The following MAP4K1 variants were observed in gnomAD, a reference collection of about 807,000 sequenced individuals.
MAP4K1 encodes the protein MAPK/ERK kinase kinase kinase 1.
MAP4K1 carries 35 observed loss-of-function variants against 122.8 expected under a neutral mutation model. The ratio of observed to expected loss-of-function variants is 0.29; its 90% CI spans 0.22 to 0.38. The LOEUF (loss-of-function observed/expected upper bound fraction) is 0.38, where lower values mean the gene tolerates loss of function less well. Among genes scored for constraint, MAP4K1 ranks in the 10% least tolerant of loss-of-function variants. MAP4K1 has a pLI of 1.00. For missense variants in MAP4K1, 791 were observed against 1,072.6 expected, an observed-to-expected ratio of 0.74 and a Z score of 3.67; for synonymous variants, 412 against 421.3, an observed-to-expected ratio of 0.98 and a Z score of 0.27.
At position 38,596,459 on chromosome 19, in the gene MAP4K1, G is replaced by C. The variant is rs1974888604; in HGVS notation, c.1969C>G (p.Leu657Val). 1 of 1,578,510 alleles carries C rather than the reference G, an allele frequency of 6.3e-7. No homozygotes were observed. The highest frequency in any genetic ancestry group is 1.1e-5 in the South Asian group (1 of 87,938). The change falls in exon 26 of 31, where the codon CTG becomes GTG. Residue 657 changes from leucine to valine, a missense_variant. Leu to Val is a conservative substitution (Grantham distance 32). Transcript: ENST00000396857. ...CCGGTCAGCAGCGCGAACACGGACA[G>C]AGGCGTCGGCAGTGGGAACAGCACC... ...RQVLFPLPTP[L>V]SVFALLTGPG...
At chr19:38,596,259 C>T in intron 26 of MAP4K1, 53 bp downstream of exon 26, 4 of 1,488,400 alleles carry the variant, frequency 2.7e-6, no homozygotes, top group Admixed American at 2.3e-5. Context: ...CCTCCAGCTC[C>T]GCCCCTCCGG....
At chr19:38,589,351 A>G in intron 30 of MAP4K1, 1 of 232,436 alleles carries the variant, frequency 4.3e-6, no homozygotes. Flanking sequence ...AGTGGGTGAA[A>G]ATCTGATGAG....
chr19:38,600,254 TG>T, intron 20 of MAP4K1, 101 bp from the exon 21 acceptor site: 2 of 921,646 alleles, frequency 2.2e-6, no homozygotes, highest in Non-Finnish European at 3.5e-6. Context: ...TCCCCAGCTC[TG>T]ACCCTCTATT....
chr19:38,606,212 G>A lies in MAP4K1; in HGVS notation c.1161C>T (p.Pro387=), dbSNP rs1975325048. 1.3e-6 allele frequency: 2 copies of A among 1,549,964 alleles called. No homozygotes were observed. Among genetic ancestry groups the A allele is most frequent in the East Asian group, 2.3e-5 (1 of 43,514 alleles). The change falls in exon 17 of 31, where the codon CCC becomes CCT. Residue 387 remains proline (P), a synonymous_variant. Transcript: ENST00000396857. ...GAGGAGGTGTGTCCTCTGCAGGGGT[G>A]GGGCTGAAACACAAAGATGGGTTAA... ...SDDDYDDVDI[P]TPAEDTPPPL...
intron 20 of MAP4K1, among the ~76,000 whole-genome samples, chr19:38,600,617 T>C (rs1310470583): frequency 1.3e-5 from 2 of 152,036 alleles, no homozygotes; most frequent in Non-Finnish European, 2.9e-5. Flanking sequence ...TGTCCCTTTC[T>C]GGCTGCATCC....
rs778451251 is a variant in MAP4K1, at chr19:38,611,204, C to T, written c.728+39G>A. 3.1e-6 allele frequency: 5 copies of T among 1,605,500 alleles called. No homozygotes were observed. The South Asian group carries it at 4.4e-5, about 14-fold the overall frequency. ...CCCATCAGGCCACCCAGCCCCAGCC[C>T]TGCCCTCTCTCACCCTCCCTCCTGT... On this transcript the variant is annotated intron_variant, in intron 10 of 30. Coordinates refer to ENST00000396857, the MANE Select transcript of MAP4K1 (RefSeq NM_001042600.3).
At chr19:38,590,389 A>T (rs1974676589) in intron 30 of MAP4K1, among the ~76,000 whole-genome samples, 2 of 46,956 alleles carry the variant, frequency 4.3e-5, no homozygotes, top group Admixed American at 2.7e-4. Flanking sequence ...AAAAAAAAAA[A>T]AAAAAATATA....
intron 25 of MAP4K1, 89 bp downstream of exon 25, chr19:38,596,945 C>T (rs1329554342): frequency 1.8e-5 from 22 of 1,251,742 alleles, no homozygotes; most frequent in Non-Finnish European, 2.6e-5. Context: ...GGAGGTGGGG[C>T]TTCATGGAGC....
At chr19:38,601,622 G>C (rs992753578) in intron 19 of MAP4K1, 97 bp from the exon 20 acceptor site, 2 of 835,758 alleles carry the variant, frequency 2.4e-6, no homozygotes, top group African/African-American at 3.4e-5. Context: ...GAGTGCCAAG[G>C]TTCAAATCCT....
chr19:38,606,701 G>T (rs925463757), intron 16 of MAP4K1, among the ~76,000 whole-genome samples: 2 of 152,074 alleles, frequency 1.3e-5, no homozygotes, highest in African/African-American at 4.8e-5. Flanking sequence ...ACAAAAAAAT[G>T]ATTAGCCTGT....
intron 19 of MAP4K1, among the ~76,000 whole-genome samples, chr19:38,603,093 T>C (rs917159268): frequency 7.0e-6 from 1 of 142,864 alleles, no homozygotes; most frequent in Non-Finnish European, 1.5e-5. Context: ...CATGTACATA[T>C]ATACACATGT....
At chr19:38,602,950 A>T (rs1461479799) in intron 19 of MAP4K1, among the ~76,000 whole-genome samples, 2 of 140,914 alleles carry the variant, frequency 1.4e-5, no homozygotes, top group Admixed American at 1.5e-4. Flanking sequence ...ACATACATAT[A>T]TACACACATA....
At position 38,594,955 on chromosome 19, in the gene MAP4K1, TTTTA is replaced by T. The variant is rs1172023010; in HGVS notation, c.2340+526_2340+529del. On this transcript the variant is annotated intron_variant, in intron 29 of 30. Transcript: ENST00000396857. Reference sequence around the variant, plus strand: ...GAATCCATCTCCAAAAATAAATAAATTTTATCTATCTATCTATCTATCTATCTAT... The same window carrying T: ...GAATCCATCTCCAAAAATAAATAAATTCTATCTATCTATCTATCTATCTAT... Among the ~76,000 whole-genome samples the T allele has an allele frequency of 6.6e-5, 6 of 90,660 alleles. No homozygotes were observed. The East Asian group carries it at 2.3e-3, about 34-fold the overall frequency. The allele number at this position is 90,660 out of a possible 152,430, so 59.5% of individuals were successfully genotyped here. A position where few individuals can be genotyped will look rare whatever the true frequency, so the allele number is the denominator to read the frequency against.
intron 30 of MAP4K1, among the ~76,000 whole-genome samples, chr19:38,589,694 C>T (rs1029761120): frequency 2.0e-5 from 3 of 152,084 alleles, no homozygotes; most frequent in African/African-American, 7.2e-5. Flanking sequence ...GGATTACAGG[C>T]GTGAGCCACC....
At chr19:38,610,110 C>T in intron 11 of MAP4K1, 85 bp from the exon 12 acceptor site, 2 of 950,078 alleles carry the variant, frequency 2.1e-6, no homozygotes, top group Non-Finnish European at 3.4e-6. Flanking sequence ...GGTACAGGGC[C>T]TTGGGGACTG....
At chr19:38,600,202 T>C in intron 20 of MAP4K1, 49 bp from the exon 21 acceptor site, 1 of 1,509,686 alleles carries the variant, frequency 6.6e-7, no homozygotes, top group Non-Finnish European at 9.2e-7. Context: ...CTCAGGGACC[T>C]CCCAGATCCC....
chr19:38,601,101 C>G (rs562352241), intron 20 of MAP4K1, among the ~76,000 whole-genome samples: 2 of 150,174 alleles, frequency 1.3e-5, no homozygotes, highest in Non-Finnish European at 3.0e-5. Context: ...CCACCATGCC[C>G]GGCCTACCTA....
In MAP4K1 at chr19:38,616,198, G is replaced by A. The variant is rs773521047; in HGVS notation, c.310C>T (p.Gln104Ter). Residue 104 changes from glutamine (Q) to a stop codon, truncating the protein, a stop_gained, in exon 4 of 31, where the codon CAA becomes TAA. Transcript: ENST00000396857. LOFTEE classifies it high-confidence loss of function. The stretch of plus-strand genomic sequence containing the variant: ...GTCCCGTTGTCCTTTCTCTAACCTT[G>A]GTAGATGTCCTGGAGAGAACCAGCC... ...CGAGSLQDIY[Q>*]VTGSLSELQI... 6.2e-7 allele frequency: 1 copy of A among 1,612,806 alleles called. No individual in the cohort carries two copies. Among genetic ancestry groups the A allele is most frequent in the Non-Finnish European group, 8.5e-7 (1 of 1,179,594 alleles).
chr19:38,617,444 T>A lies in MAP4K1; in HGVS notation c.158A>T (p.Asp53Val). The A allele has an allele frequency of 6.2e-7, 1 of 1,611,380 alleles. No individual in the cohort carries two copies. Among genetic ancestry groups the A allele is most frequent in the Non-Finnish European group, 8.5e-7 (1 of 1,177,654 alleles). The change falls in exon 3 of 31, where the codon GAT becomes GTT. Residue 53 changes from aspartate to valine, a missense_variant and splice_region_variant. Around this residue, in one of 4 missense-constraint regions of MAP4K1, gnomAD observed 163 missense variants for 286.1 expected, o/e 0.57. Coordinates refer to ENST00000396857, the MANE Select transcript of MAP4K1 (RefSeq NM_001042600.3). This position sits in a 1 kb window ranked among gnomAD's most constrained non-coding sequence, Gnocchi z 4.1. ...VALKMVKMEPDDDVSTLQKEI... is the reference protein window; with the variant it reads ...VALKMVKMEPVDDVSTLQKEI... ...CTTCTGAAGGGTGGAGACATCATCA[T>A]CTGTGAGGAGGGCGGGAGAGAAAAG...
Sources: gnomAD v4.1 joint callset for allele counts (sites outside exome capture counted in the v4.1 genomes callset) on GRCh38, gnomAD v4.1.1 for gene constraint, gnomAD v4.1.1 regional missense constraint, Gnocchi (gnomAD v3.1) non-coding constraint, MANE v1.5 for transcripts, NCBI Gene and HGNC (gene_info 2026-07-23, HGNC 2026-07-21) for gene names.